Variants in NEIL3 observed in about 807,000 individuals in gnomAD.
The protein encoded by NEIL3 is nei like DNA glycosylase 3, also known as endonuclease 8-like 3.
Under a neutral mutation model 57.5 loss-of-function variants are expected in NEIL3, and 48 were observed. The ratio of observed to expected loss-of-function variants is 0.83; its 90% CI spans 0.66 to 1.06. NEIL3 has a LOEUF of 1.06. NEIL3 is among the 50% of genes least tolerant of loss of function. NEIL3 has a pLI of 0.00. For synonymous variants in NEIL3, 261 were observed against 253.2 expected (o/e 1.03, Z -0.29); for missense variants, 717 against 739.1 (o/e 0.97, Z 0.35).
the NEIL3 span, among the ~76,000 whole-genome samples, chr4:177,368,591 T>C: frequency 6.6e-6 from 1 of 152,260 alleles, no homozygotes; most frequent in Non-Finnish European, 1.5e-5. Context: ...TCTTACCAAG[T>C]ATTGTACTTT....
intron 1 of NEIL3, among the ~76,000 whole-genome samples, chr4:177,312,346 G>A (rs560166910): frequency 6.6e-6 from 1 of 152,288 alleles, no homozygotes; most frequent in South Asian, 2.1e-4. Flanking sequence ...AAAAGATTCA[G>A]TAGGATCTTT....
intron 2 of NEIL3, among the ~76,000 whole-genome samples, chr4:177,326,924 T>C (rs2200885): frequency 0.42 from 63,427 of 151,940 alleles, 13,316 homozygotes; most frequent in Non-Finnish European, 0.43. Flanking sequence ...GGCTCTGTGT[T>C]CCCACCCAGA....
chr4:177,325,607 T>C (rs926361429), intron 2 of NEIL3, among the ~76,000 whole-genome samples: 1 of 152,122 alleles, frequency 6.6e-6, no homozygotes, highest in African/African-American at 2.4e-5. Flanking sequence ...GGTAAGCATA[T>C]GTTTGACTTT....
At chr4:177,335,885 C>A (rs1734969715) in intron 3 of NEIL3, 63 bp downstream of exon 3, 10 of 1,391,368 alleles carry the variant, frequency 7.2e-6, no homozygotes, top group Non-Finnish European at 9.7e-6. Context: ...TGGGATGTCA[C>A]ACGTGTAACT....
chr4:177,341,001 C>A (rs985310018), intron 5 of NEIL3, among the ~76,000 whole-genome samples: 1 of 151,888 alleles, frequency 6.6e-6, no homozygotes, highest in Non-Finnish European at 1.5e-5. Context: ...TTCAGGTCAA[C>A]AAAGAAAATG....
intron 2 of NEIL3, among the ~76,000 whole-genome samples, chr4:177,325,460 T>C (rs535675804): frequency 6.6e-6 from 1 of 152,204 alleles, no homozygotes; most frequent in African/African-American, 2.4e-5. Flanking sequence ...ATGATGGACA[T>C]TTGGATTGTT....
chr4:177,347,453 A>T (rs1300720345), intron 6 of NEIL3, among the ~76,000 whole-genome samples: 1 of 152,174 alleles, frequency 6.6e-6, no homozygotes, highest in Non-Finnish European at 1.5e-5. Context: ...GTTTGAAAAG[A>T]TTAATCACTC....
chr4:177,353,509 A>T lies in NEIL3; in HGVS notation c.1241A>T (p.Glu414Val). The change falls in exon 8 of 10, where the codon GAG becomes GTG. Residue 414 changes from glutamate to valine, a missense_variant. Coordinates refer to ENST00000264596, the MANE Select transcript of NEIL3 (RefSeq NM_018248.3). ...ACAAAGCAAAACCAGATACTAGATG[A>T]GGAGTTTCAAAACTCTCCTCCTGCT... ...RKTKQNQILD[E>V]EFQNSPPASV... 1 of 1,613,696 alleles carries T rather than the reference A, an allele frequency of 6.2e-7. No individual in the cohort carries two copies. The highest frequency in any genetic ancestry group is 2.2e-5 in the East Asian group (1 of 44,856).
At chr4:177,318,949 A>T (rs1272072512) in intron 1 of NEIL3, among the ~76,000 whole-genome samples, 1 of 152,252 alleles carries the variant, frequency 6.6e-6, no homozygotes, top group Admixed American at 6.5e-5. Context: ...AAATGAGTTT[A>T]TCCAGGTAAA....
intron 2 of NEIL3, among the ~76,000 whole-genome samples, chr4:177,327,579 C>T (rs1578991570): frequency 6.6e-6 from 1 of 152,304 alleles, no homozygotes; most frequent in African/African-American, 2.4e-5. Flanking sequence ...TGCTCTCCCT[C>T]TCCTTGTCCC....
chr4:177,340,578 C>T (rs1735072182), intron 5 of NEIL3, among the ~76,000 whole-genome samples: 1 of 152,168 alleles, frequency 6.6e-6, no homozygotes, highest in African/African-American at 2.4e-5. Flanking sequence ...TCTTGCTCTG[C>T]AGATCGGTCT....
chr4:177,318,889 G>A (rs1163301640), intron 1 of NEIL3, among the ~76,000 whole-genome samples: 1 of 152,172 alleles, frequency 6.6e-6, no homozygotes, highest in Middle Eastern at 3.2e-3. Context: ...TGCATCCCAA[G>A]CATCTAGAAC....
chr4:177,351,205 A>C (rs1243163289), intron 6 of NEIL3, among the ~76,000 whole-genome samples, 175 bp from the exon 7 acceptor site: 16 of 71,270 alleles, frequency 2.2e-4, no homozygotes, highest in African/African-American at 7.8e-4. Flanking sequence ...CCCCATCTCT[A>C]CAAAAAAAAA....
intron 8 of NEIL3, 23 bp downstream of exon 8, chr4:177,353,751 C>T: frequency 6.9e-7 from 1 of 1,439,242 alleles, no homozygotes; most frequent in Non-Finnish European, 9.6e-7. Context: ...TAACCTTGGT[C>T]TTTAAGATAA....
chr4:177,334,526 A>G, intron 2 of NEIL3, among the ~76,000 whole-genome samples: 1 of 152,178 alleles, frequency 6.6e-6, no homozygotes, highest in Non-Finnish European at 1.5e-5. Flanking sequence ...CATGCAGCTG[A>G]AAAGATTTTA....
chr4:177,369,825 C>A, the NEIL3 span, among the ~76,000 whole-genome samples: 1 of 152,262 alleles, frequency 6.6e-6, no homozygotes. Flanking sequence ...CAGTTCTTAA[C>A]AGGGCTCTTG....
intron 6 of NEIL3, chr4:177,343,648 A>G (rs1242268411): frequency 6.6e-6 from 1 of 152,086 alleles, no homozygotes; most frequent in Non-Finnish European, 1.5e-5. Context: ...TTGTTCTCCA[A>G]TACTTTTCTC....
At chr4:177,329,280 A>T (rs1473729273) in intron 2 of NEIL3, among the ~76,000 whole-genome samples, 1 of 152,192 alleles carries the variant, frequency 6.6e-6, no homozygotes. Flanking sequence ...AAATATAAAT[A>T]ATCTAACCAT....
chr4:177,356,739 T>C (rs896311732), intron 8 of NEIL3, among the ~76,000 whole-genome samples: 3 of 152,198 alleles, frequency 2.0e-5, no homozygotes, highest in Non-Finnish European at 4.4e-5. Context: ...TATTTTCTGA[T>C]TGGTCTTGAG....
Sources: allele counts gnomAD v4.1 joint callset (sites outside exome capture counted in the v4.1 genomes callset), GRCh38; gene constraint gnomAD v4.1.1; transcripts MANE v1.5; gene names NCBI Gene and HGNC (gene_info 2026-07-23, HGNC 2026-07-21).